Variants in PRUNE2 observed in about 807,000 individuals in gnomAD.
PRUNE2 encodes the protein protein prune homolog 2.
Under a neutral mutation model 252.0 loss-of-function variants are expected in PRUNE2, and 164 were observed. The ratio of observed to expected loss-of-function variants is 0.65; its 90% CI spans 0.57 to 0.74. PRUNE2 has a LOEUF of 0.74. Ranked by LOEUF, PRUNE2 falls within the 30% of genes least tolerant of loss-of-function variation. The probability of loss-of-function intolerance (pLI) is 0.00; values close to 1 mark genes in which losing one functional copy is unlikely to be tolerated. For synonymous variants in PRUNE2, 1,292 were observed against 1,350.2 expected, an observed-to-expected ratio of 0.96 and a Z score of 0.94; for missense variants, 3,495 against 3,711.0, an observed-to-expected ratio of 0.94 and a Z score of 1.51.
intron 15 of PRUNE2, among the ~76,000 whole-genome samples, 186 bp downstream of exon 15, chr9:76,636,285 T>C (rs917569617): frequency 6.6e-6 from 1 of 152,234 alleles, no homozygotes; most frequent in Non-Finnish European, 1.5e-5. Context: ...ATATTCATCA[T>C]GACAGCATTT....
chr9:76,655,815 A>AATAT (rs1185197262), intron 9 of PRUNE2, among the ~76,000 whole-genome samples: 1 of 152,122 alleles, frequency 6.6e-6, no homozygotes, highest in Non-Finnish European at 1.5e-5. Context: ...GGGGACATTT[A>AATAT]ATATATATAT....
At chr9:76,815,797 AGGTAAAGCAGAGAAAAGT>A in intron 6 of PRUNE2, among the ~76,000 whole-genome samples, 1 of 152,180 alleles carries the variant, frequency 6.6e-6, no homozygotes, top group African/African-American at 2.4e-5. Flanking sequence ...ACTGACCAAT[AGGTAAAGCAGAGAAAAGT>A]TGTCAACAGA....
chr9:76,716,736 T>C (rs1034816267), intron 6 of PRUNE2, among the ~76,000 whole-genome samples: 4 of 152,158 alleles, frequency 2.6e-5, no homozygotes, highest in Non-Finnish European at 4.4e-5. Context: ...AATGCGCAGG[T>C]TTGTTACATA....
chr9:76,846,745 T>G, intron 3 of PRUNE2, 67 bp from the exon 4 acceptor site: 4 of 1,387,330 alleles, frequency 2.9e-6, no homozygotes, highest in Non-Finnish European at 4.0e-6. Context: ...TTGGAATGTT[T>G]AAATCTCTGC....
intron 6 of PRUNE2, among the ~76,000 whole-genome samples, chr9:76,717,822 G>A (rs1047287709): frequency 1.3e-5 from 2 of 152,168 alleles, no homozygotes; most frequent in Non-Finnish European, 2.9e-5. Context: ...TAGGGAGAAT[G>A]GCAATTGCTC....
intron 1 of PRUNE2, among the ~76,000 whole-genome samples, chr9:76,855,989 G>A (rs143280071): frequency 1.3e-3 from 194 of 152,272 alleles, no homozygotes; most frequent in Non-Finnish European, 2.2e-3. Flanking sequence ...GTAGGTAAAT[G>A]GAATTACAGT....
chr9:76,852,088 A>T (rs1390977233), intron 2 of PRUNE2, among the ~76,000 whole-genome samples: 1 of 152,128 alleles, frequency 6.6e-6, no homozygotes, highest in Non-Finnish European at 1.5e-5. Flanking sequence ...TTGTTCAGTT[A>T]TGTTTCCAGT....
At chr9:76,822,062 A>C (rs2058065096) in intron 6 of PRUNE2, among the ~76,000 whole-genome samples, 1 of 152,206 alleles carries the variant, frequency 6.6e-6, no homozygotes, top group South Asian at 2.1e-4. Context: ...ACTAGTAGAA[A>C]TGATTCTTAG....
intron 6 of PRUNE2, among the ~76,000 whole-genome samples, chr9:76,795,818 T>C (rs1482573825): frequency 6.6e-6 from 1 of 151,040 alleles, no homozygotes; most frequent in Non-Finnish European, 1.5e-5. Flanking sequence ...TACATAAAAA[T>C]CACACATAAC....
chr9:76,809,248 C>A (rs1243344372), intron 6 of PRUNE2, among the ~76,000 whole-genome samples: 1 of 152,182 alleles, frequency 6.6e-6, no homozygotes, highest in Admixed American at 6.5e-5. Context: ...CATCCGTAAG[C>A]TTAGGGAAGA....
chr9:76,745,962 C>T (rs182217583), intron 6 of PRUNE2, among the ~76,000 whole-genome samples: 101 of 152,344 alleles, frequency 6.6e-4, no homozygotes, highest in African/African-American at 2.1e-3. Flanking sequence ...TGTGTCCCTA[C>T]AGGCATCAGT....
intron 16 of PRUNE2, among the ~76,000 whole-genome samples, chr9:76,627,304 G>GC (rs767594924): frequency 8.4e-5 from 10 of 119,102 alleles, no homozygotes; most frequent in Admixed American, 2.2e-4. Context: ...GGTGGCGGGG[G>GC]GCTCACCATG....
chr9:76,682,362 C>CT (rs34870489), intron 9 of PRUNE2, among the ~76,000 whole-genome samples: 100,963 of 136,048 alleles, frequency 0.74, 39,329 homozygotes, highest in Non-Finnish European at 0.85. Context: ...TCACTATTAA[C>CT]TTTTTTTTTT....
intron 4 of PRUNE2, among the ~76,000 whole-genome samples, chr9:76,838,871 G>A (rs1258722670): frequency 6.6e-6 from 1 of 152,092 alleles, no homozygotes; most frequent in Non-Finnish European, 1.5e-5. Flanking sequence ...CTCGCTTTGT[G>A]ATAATTCCTT....
chr9:76,616,409 G>C (rs1013433013), intron 18 of PRUNE2, among the ~76,000 whole-genome samples: 5 of 152,176 alleles, frequency 3.3e-5, no homozygotes, highest in African/African-American at 1.2e-4. Context: ...TTTTCCCATA[G>C]ATGAAGAGAA....
At chr9:76,888,534 A>G (rs929277631) in intron 1 of PRUNE2, among the ~76,000 whole-genome samples, 1 of 151,740 alleles carries the variant, frequency 6.6e-6, no homozygotes, top group Admixed American at 6.6e-5. Context: ...CCGAGGTCGC[A>G]CCACTGCACT....
At chr9:76,821,869 G>C (rs1461554076) in intron 6 of PRUNE2, among the ~76,000 whole-genome samples, 1 of 152,110 alleles carries the variant, frequency 6.6e-6, no homozygotes, top group Non-Finnish European at 1.5e-5. Flanking sequence ...GCTACAGTAA[G>C]TCTGTAATAT....
rs1194729312 is a variant in PRUNE2 at position 76,906,092 on chromosome 9, GCT to G, written c.-131_-130del. Reference sequence around the variant, plus strand: ...CAGCGACCGACTGCTCCCTCCTGCCGCTCTGAGGCGGCTGCGGCGGAGGCTGT... The same window carrying G: ...CAGCGACCGACTGCTCCCTCCTGCCGCTGAGGCGGCTGCGGCGGAGGCTGT... On this transcript the variant is annotated 5_prime_UTR_variant, in exon 1 of 19. Coordinates refer to ENST00000376718, the MANE Select transcript of PRUNE2 (RefSeq NM_015225.3). 5 of 994,982 alleles carry G rather than the reference GCT, an allele frequency of 5.0e-6. No homozygotes were observed. Among genetic ancestry groups the G allele is most frequent in the Non-Finnish European group, 6.3e-6 (4 of 631,444 alleles). The allele number at this position is 994,982 out of a possible 1,614,324, so 61.6% of individuals were successfully genotyped here.
At chr9:76,866,408 T>C (rs1349368059) in intron 1 of PRUNE2, among the ~76,000 whole-genome samples, 4 of 152,238 alleles carry the variant, frequency 2.6e-5, no homozygotes, top group African/African-American at 9.6e-5. Context: ...CAAAACTTCA[T>C]ATAGTGTTTT....
Sources: gnomAD v4.1 joint callset for allele counts (sites outside exome capture counted in the v4.1 genomes callset) on GRCh38, gnomAD v4.1.1 for gene constraint, MANE v1.5 for transcripts, NCBI Gene and HGNC (gene_info 2026-07-23, HGNC 2026-07-21) for gene names.